GHR: variants seen among roughly 807,000 people sequenced by gnomAD.
The protein encoded by GHR is growth hormone receptor.
GHR carries 35 observed loss-of-function variants against 67.1 expected under a neutral mutation model. That is an observed-to-expected ratio of 0.52 (90% CI 0.40 to 0.69). The LOEUF is 0.69. Among genes scored for constraint, GHR ranks in the 30% least tolerant of loss-of-function variants. The pLI is 0.00. For synonymous variants in GHR, 272 were observed against 269.1 expected (o/e 1.01, Z -0.10); for missense variants, 792 against 764.6 (o/e 1.04, Z -0.42).
At chr5:42,521,609 CA>C (rs1287559808) in intron 1 of GHR, among the ~76,000 whole-genome samples, 6 of 152,132 alleles carry the variant, frequency 3.9e-5, no homozygotes, top group African/African-American at 1.4e-4. Flanking sequence ...TTTCATCTGC[CA>C]AAGAGCCCAT....
chr5:42,438,457 T>C (rs1743430021), intron 1 of GHR, among the ~76,000 whole-genome samples: 1 of 152,162 alleles, frequency 6.6e-6, no homozygotes, highest in South Asian at 2.1e-4. Flanking sequence ...TTCTATTAAA[T>C]GGAGTAAAGT....
chr5:42,449,927 A>G (rs1743974551), intron 1 of GHR, among the ~76,000 whole-genome samples: 1 of 152,132 alleles, frequency 6.6e-6, no homozygotes, highest in Admixed American at 6.5e-5. Flanking sequence ...GTGGTGTATC[A>G]CATTTATTGA....
chr5:42,666,923 G>A (rs1042553100), intron 3 of GHR, among the ~76,000 whole-genome samples: 5 of 152,148 alleles, frequency 3.3e-5, no homozygotes, highest in African/African-American at 4.8e-5. Flanking sequence ...TGCCAGGGTT[G>A]GCATTAATGA....
intron 1 of GHR, among the ~76,000 whole-genome samples, chr5:42,496,860 A>G (rs181468595): frequency 3.9e-4 from 60 of 152,308 alleles, no homozygotes; most frequent in African/African-American, 1.4e-3. Context: ...TAAAATTTCA[A>G]AACAAATCTT....
intron 2 of GHR, among the ~76,000 whole-genome samples, chr5:42,567,276 C>A (rs1280734039): frequency 6.6e-6 from 1 of 152,118 alleles, no homozygotes; most frequent in Non-Finnish European, 1.5e-5. Flanking sequence ...CATAGGAAAT[C>A]TTTAAAGAAA....
At chr5:42,510,051 CA>C (rs1746945285) in intron 1 of GHR, among the ~76,000 whole-genome samples, 1 of 152,162 alleles carries the variant, frequency 6.6e-6, no homozygotes, top group African/African-American at 2.4e-5. Context: ...CTGAATCGAT[CA>C]CCCCCCTAAC....
intron 1 of GHR, among the ~76,000 whole-genome samples, chr5:42,500,373 C>T (rs1746489662): frequency 6.6e-6 from 1 of 152,260 alleles, no homozygotes; most frequent in Non-Finnish European, 1.5e-5. Context: ...GGGTTTAAAT[C>T]TGGGTTCTGC....
chr5:42,478,921 G>A (rs1447198432), intron 1 of GHR, among the ~76,000 whole-genome samples: 1 of 152,160 alleles, frequency 6.6e-6, no homozygotes, highest in Non-Finnish European at 1.5e-5. Context: ...CCAACACTAT[G>A]TTGAATAGGA....
intron 2 of GHR, chr5:42,619,576 C>G (rs1753336309): frequency 2.0e-5 from 3 of 152,192 alleles, no homozygotes; most frequent in African/African-American, 4.8e-5. Context: ...CATTGAATGC[C>G]CAGCAACTAG....
In GHR at chr5:42,721,739, A is replaced by G. The variant is rs1759031838; in HGVS notation, c.*2315A>G. 1.3e-5 allele frequency: 2 copies of G among 152,596 alleles called. No individual in the cohort carries two copies. The highest frequency in any genetic ancestry group is 1.3e-4 in the Admixed American group (2 of 15,284). The allele number at this position is 152,596 out of a possible 1,614,324, so 9.5% of individuals were successfully genotyped here. ...ACATAAGCCATTATTCACTAGTATGACTAGTTGTGTCTGGCAGTTTATATT... is the reference window on the plus strand; with the variant it reads ...ACATAAGCCATTATTCACTAGTATGGCTAGTTGTGTCTGGCAGTTTATATT... On this transcript the variant is annotated 3_prime_UTR_variant, in exon 10 of 10. Coordinates refer to ENST00000230882, the MANE Select transcript of GHR (RefSeq NM_000163.5).
At chr5:42,584,638 G>C (rs1751374985) in intron 2 of GHR, among the ~76,000 whole-genome samples, 1 of 152,042 alleles carries the variant, frequency 6.6e-6, no homozygotes, top group African/African-American at 2.4e-5. Flanking sequence ...TAATATCATG[G>C]TAAGTGATGT....
chr5:42,511,412 C>T (rs560807783), intron 1 of GHR, among the ~76,000 whole-genome samples: 1 of 152,224 alleles, frequency 6.6e-6, no homozygotes, highest in Non-Finnish European at 1.5e-5. Context: ...GTATTAAGAT[C>T]CGTGAGGGCA....
intron 3 of GHR, chr5:42,646,209 A>G (rs1042211594): frequency 4.9e-5 from 14 of 282,900 alleles, no homozygotes; most frequent in Admixed American, 1.3e-4. Flanking sequence ...CTGAAAATGA[A>G]GTGTCTGTCT....
chr5:42,588,578 T>G (rs1189360267), intron 2 of GHR, among the ~76,000 whole-genome samples: 2 of 150,590 alleles, frequency 1.3e-5, no homozygotes, highest in Non-Finnish European at 3.0e-5. Context: ...CAGTAGAATT[T>G]TGAATTCAAA....
chr5:42,526,650 G>A (rs1747717645), intron 1 of GHR, among the ~76,000 whole-genome samples: 1 of 152,050 alleles, frequency 6.6e-6, no homozygotes, highest in African/African-American at 2.4e-5. Context: ...TTTATGAGTT[G>A]ATGAAGTTGG....
intron 3 of GHR, among the ~76,000 whole-genome samples, chr5:42,632,239 C>T (rs986178067): frequency 7.2e-5 from 11 of 152,114 alleles, no homozygotes; most frequent in Admixed American, 6.5e-4. Context: ...CTGCTCATGT[C>T]ATCGAATCTA....
rs1758957660 is a variant in GHR at position 42,720,310 on chromosome 5, C to T, written c.*886C>T. The T allele has an allele frequency of 6.6e-6, 1 of 152,154 alleles. No homozygotes were observed. The highest frequency in any genetic ancestry group is 2.4e-5 in the African/African-American group (1 of 41,432). 9.4% of individuals were successfully genotyped at this position (152,154 alleles called of 1,614,324 possible). The stretch of plus-strand genomic sequence containing the variant: ...AAAGAAGTAAAAGCAAAAAAGAAAA[C>T]CTTTCTTCACCAAATCTTGGTTGAT... On this transcript the variant is annotated 3_prime_UTR_variant, in exon 10 of 10. Transcript: ENST00000230882.
At chr5:42,460,653 T>C (rs1744449849) in intron 1 of GHR, among the ~76,000 whole-genome samples, 1 of 152,196 alleles carries the variant, frequency 6.6e-6, no homozygotes, top group Non-Finnish European at 1.5e-5. Context: ...CTTACATGTA[T>C]ATCTGCAGAA....
Position 42,695,011 on chromosome 5 carries a change from A to G in GHR, c.361A>G (p.Ile121Val), listed in dbSNP as rs1757603147. The G allele has an allele frequency of 1.2e-6, 2 of 1,609,708 alleles. No individual in the cohort carries two copies. The highest frequency in any genetic ancestry group is 1.3e-5 in the African/African-American group (1 of 74,798). ...TTACTTTAATTCATCGTTTACCTCC[A>G]TCTGGATACCTTATTGTATCAAGCT... ...SCYFNSSFTS[I>V]WIPYCIKLTS... is the part of the protein sequence containing the mutation. Residue 121 changes from isoleucine (I) to valine (V), a missense_variant, in exon 5 of 10, where the codon ATC becomes GTC. Ile to Val is a conservative substitution (Grantham distance 29). Coordinates refer to ENST00000230882, the MANE Select transcript of GHR (RefSeq NM_000163.5).
Sources: gnomAD v4.1 joint callset for allele counts (sites outside exome capture counted in the v4.1 genomes callset) on GRCh38, gnomAD v4.1.1 for gene constraint, MANE v1.5 for transcripts, NCBI Gene and HGNC (gene_info 2026-07-23, HGNC 2026-07-21) for gene names.